The following CLSTN2 variants were observed in gnomAD, a reference collection of about 807,000 sequenced individuals.
CLSTN2 encodes calsyntenin-2.
CLSTN2 carries 48 observed loss-of-function variants against 101.2 expected under a neutral mutation model. That is an observed-to-expected ratio of 0.47 (90% CI 0.38 to 0.60). The LOEUF is 0.60. Ranked by LOEUF, CLSTN2 falls within the 20% of genes least tolerant of loss-of-function variation. The probability of loss-of-function intolerance (pLI) is 0.00; values close to 1 mark genes in which losing one functional copy is unlikely to be tolerated. For missense variants in CLSTN2, 1,160 were observed against 1,238.2 expected (o/e 0.94, Z 0.95); for synonymous variants, 481 against 463.6 (o/e 1.04, Z -0.48).
At chr3:140,251,118 A>T (rs181839383) in intron 2 of CLSTN2, among the ~76,000 whole-genome samples, 1 of 152,148 alleles carries the variant, frequency 6.6e-6, no homozygotes, top group Non-Finnish European at 1.5e-5. Context: ...CCAGAATCAC[A>T]TCTTCTCTGG....
chr3:140,176,572 C>A (rs1264749202), intron 2 of CLSTN2, among the ~76,000 whole-genome samples: 1 of 152,216 alleles, frequency 6.6e-6, no homozygotes, highest in African/African-American at 2.4e-5. Context: ...GGAGGAATCC[C>A]AAGGCAGTGC....
intron 1 of CLSTN2, among the ~76,000 whole-genome samples, chr3:140,084,159 C>T (rs2008642676): frequency 6.6e-6 from 1 of 152,152 alleles, no homozygotes; most frequent in South Asian, 2.1e-4. Context: ...CCTTGCCTTT[C>T]TTGTTTCAAA....
intron 8 of CLSTN2, among the ~76,000 whole-genome samples, chr3:140,527,402 GGCAATTATTAA>G (rs1484516393): frequency 2.0e-5 from 3 of 152,066 alleles, no homozygotes; most frequent in African/African-American, 4.8e-5. Context: ...CAGTCAGAAT[GGCAATTATTAA>G]AAAATCAAAA....
chr3:140,372,445 A>C (rs541658514), intron 2 of CLSTN2, among the ~76,000 whole-genome samples: 15 of 152,270 alleles, frequency 9.9e-5, no homozygotes, highest in African/African-American at 3.4e-4. Context: ...AATGCAGATG[A>C]TGACTTGGGA....
chr3:140,261,147 C>T (rs1390501176), intron 2 of CLSTN2, among the ~76,000 whole-genome samples: 1 of 151,312 alleles, frequency 6.6e-6, no homozygotes, highest in Non-Finnish European at 1.5e-5. Context: ...ACATAACCCA[C>T]ACCTTCTTGG....
chr3:140,518,925 G>T (rs1934973601), intron 8 of CLSTN2, among the ~76,000 whole-genome samples: 1 of 152,114 alleles, frequency 6.6e-6, no homozygotes, highest in Non-Finnish European at 1.5e-5. Context: ...GTGATGTTAG[G>T]TTAACTTGAT....
intron 1 of CLSTN2, among the ~76,000 whole-genome samples, chr3:140,045,491 G>T (rs1470450251): frequency 2.0e-5 from 3 of 151,998 alleles, no homozygotes; most frequent in Non-Finnish European, 4.4e-5. Context: ...TGGATTCATT[G>T]ATTTTTTGAA....
At chr3:140,226,589 G>A (rs189657612) in intron 2 of CLSTN2, among the ~76,000 whole-genome samples, 124 of 152,238 alleles carry the variant, frequency 8.1e-4, no homozygotes, top group Non-Finnish European at 1.7e-3. Context: ...ATAATAAAAT[G>A]TTGGAAAAAA....
chr3:140,166,732 C>A (rs764984934), intron 1 of CLSTN2, among the ~76,000 whole-genome samples: 1 of 152,168 alleles, frequency 6.6e-6, no homozygotes, highest in Non-Finnish European at 1.5e-5. Context: ...AGAAATATCA[C>A]ACTGGTGTTT....
intron 5 of CLSTN2, among the ~76,000 whole-genome samples, chr3:140,432,691 T>A (rs530521521): frequency 6.6e-6 from 1 of 152,170 alleles, no homozygotes; most frequent in Admixed American, 6.5e-5. Flanking sequence ...AGCTGCCAGA[T>A]AAAAGTGCCC....
At chr3:140,275,637 A>G (rs1212785217) in intron 2 of CLSTN2, among the ~76,000 whole-genome samples, 1 of 152,104 alleles carries the variant, frequency 6.6e-6, no homozygotes, top group Non-Finnish European at 1.5e-5. Context: ...GAAGCCCCAC[A>G]TAAGAAGCCA....
rs147077083 is a variant in CLSTN2, at chr3:140,001,626, A to G, written c.109+66143A>G. 1.9e-3 allele frequency among the ~76,000 whole-genome samples: 291 copies of G among 152,148 alleles called. 2 individuals carry two copies. The highest frequency in any genetic ancestry group is 6.6e-3 in the African/African-American group (276 of 41,510). ...TATCCTTTGTGTTACAAACGATCCA[A>G]AATACTTTTTTTAAGCTATTTTTAA... On this transcript the variant is annotated intron_variant, in intron 1 of 16. Coordinates refer to ENST00000458420, the MANE Select transcript of CLSTN2 (RefSeq NM_022131.3).
At chr3:140,297,068 T>A (rs1304242179) in intron 2 of CLSTN2, among the ~76,000 whole-genome samples, 1 of 152,236 alleles carries the variant, frequency 6.6e-6, no homozygotes, top group East Asian at 1.9e-4. Flanking sequence ...CCTCCAGCTC[T>A]TCCACTATGA....
At chr3:140,123,621 C>T (rs750855866) in intron 1 of CLSTN2, among the ~76,000 whole-genome samples, 42 of 152,056 alleles carry the variant, frequency 2.8e-4, no homozygotes, top group African/African-American at 7.2e-4. Flanking sequence ...CCATAAACTG[C>T]GTGGCTTAAA....
At chr3:140,102,683 C>T (rs780269593) in intron 1 of CLSTN2, among the ~76,000 whole-genome samples, 1 of 152,156 alleles carries the variant, frequency 6.6e-6, no homozygotes, top group African/African-American at 2.4e-5. Flanking sequence ...GTATGAGAGG[C>T]TGGGGAACAG....
chr3:140,150,284 A>C (rs1482030304), intron 1 of CLSTN2, among the ~76,000 whole-genome samples: 4 of 152,158 alleles, frequency 2.6e-5, no homozygotes, highest in African/African-American at 9.7e-5. Flanking sequence ...TATGCTGTGG[A>C]ATCAGAAATG....
chr3:140,306,111 A>G, intron 2 of CLSTN2, among the ~76,000 whole-genome samples: 1 of 152,140 alleles, frequency 6.6e-6, no homozygotes, highest in East Asian at 1.9e-4. Flanking sequence ...GATCCTATAC[A>G]TCCTTCAAGG....
chr3:140,512,870 T>C (rs1934841829), intron 8 of CLSTN2, among the ~76,000 whole-genome samples: 1 of 152,178 alleles, frequency 6.6e-6, no homozygotes, highest in Non-Finnish European at 1.5e-5. Flanking sequence ...ATTCTTATTG[T>C]GGCAGCTGTA....
chr3:140,525,613 A>G (rs1935120829), intron 8 of CLSTN2, among the ~76,000 whole-genome samples: 1 of 152,194 alleles, frequency 6.6e-6, no homozygotes, highest in Admixed American at 6.5e-5. Context: ...AATCTGGCAG[A>G]GACACAACAT....
Sources: allele counts gnomAD v4.1 joint callset (sites outside exome capture counted in the v4.1 genomes callset), GRCh38; gene constraint gnomAD v4.1.1; transcripts MANE v1.5; gene names NCBI Gene and HGNC (gene_info 2026-07-23, HGNC 2026-07-21).